The following NEK10 variants were observed in gnomAD, a reference collection of about 807,000 sequenced individuals.
NEK10 encodes serine/threonine-protein kinase Nek10.
Under a neutral mutation model 159.8 loss-of-function variants are expected in NEK10, and 122 were observed. The observed-to-expected ratio is 0.76, with a 90% CI of 0.66 to 0.89. The LOEUF (loss-of-function observed/expected upper bound fraction) is 0.89. Ranked by LOEUF, NEK10 falls within the 40% of genes least tolerant of loss-of-function variation. NEK10 has a pLI of 0.00. For missense variants in NEK10, 1,342 were observed against 1,323.1 expected (o/e 1.01, Z -0.22); for synonymous variants, 466 against 457.1 (o/e 1.02, Z -0.25).
intron 26 of NEK10, among the ~76,000 whole-genome samples, chr3:27,178,044 G>A (rs181141255): frequency 3.9e-5 from 6 of 152,116 alleles, no homozygotes; most frequent in East Asian, 1.9e-4. Context: ...ATATCAATAC[G>A]GCGGCAAGGA....
chr3:27,196,555 G>A (rs1237029885), intron 25 of NEK10, among the ~76,000 whole-genome samples: 2 of 152,094 alleles, frequency 1.3e-5, no homozygotes, highest in Non-Finnish European at 2.9e-5. Context: ...ACTTGGTGAC[G>A]CTCTAAACCT....
At chr3:27,260,732 C>T (rs2040334491) in intron 22 of NEK10, among the ~76,000 whole-genome samples, 1 of 152,198 alleles carries the variant, frequency 6.6e-6, no homozygotes, top group Non-Finnish European at 1.5e-5. Context: ...ATGCTGGCCT[C>T]ATAAAATGAG....
chr3:27,147,329 T>A (rs527845578), intron 30 of NEK10, among the ~76,000 whole-genome samples: 1 of 152,140 alleles, frequency 6.6e-6, no homozygotes, highest in Non-Finnish European at 1.5e-5. Flanking sequence ...ATATGATGCA[T>A]GGACAATGGA....
intron 26 of NEK10, among the ~76,000 whole-genome samples, chr3:27,182,402 G>T (rs1482619732): frequency 1.3e-5 from 2 of 152,014 alleles, no homozygotes; most frequent in Non-Finnish European, 2.9e-5. Context: ...AAAACGGTGT[G>T]GTATTGGTCT....
At chr3:27,184,678 A>G (rs1948450251) in intron 26 of NEK10, among the ~76,000 whole-genome samples, 1 of 152,236 alleles carries the variant, frequency 6.6e-6, no homozygotes, top group Non-Finnish European at 1.5e-5. Context: ...TTTCCAAAAC[A>G]AGTCATGGTT....
At chr3:27,221,442 G>A (rs1334521671) in intron 23 of NEK10, among the ~76,000 whole-genome samples, 1 of 152,208 alleles carries the variant, frequency 6.6e-6, no homozygotes, top group African/African-American at 2.4e-5. Flanking sequence ...TGATCCAAAA[G>A]ACAGATTAAA....
intron 5 of NEK10, among the ~76,000 whole-genome samples, chr3:27,336,694 T>C (rs1033990121): frequency 6.6e-6 from 1 of 152,256 alleles, no homozygotes; most frequent in Admixed American, 6.5e-5. Flanking sequence ...TGGTTTGGCA[T>C]GCAAAAGTAA....
chr3:27,361,936 A>T (rs916693315), intron 1 of NEK10, among the ~76,000 whole-genome samples: 3 of 152,228 alleles, frequency 2.0e-5, no homozygotes, highest in African/African-American at 7.2e-5. Context: ...TGTGTGTGGG[A>T]AATCATAAAT....
At position 27,111,094 on chromosome 3, in the gene NEK10, G is replaced by A. The variant is rs536655314; in HGVS notation, c.*178C>T. The A allele has an allele frequency of 1.1e-4, 50 of 459,264 alleles. No individual in the cohort carries two copies. The highest frequency in any genetic ancestry group is 9.0e-4 in the Middle Eastern group (3 of 3,324). The allele number at this position is 459,264 out of a possible 1,614,324, so 28.4% of individuals were successfully genotyped here. ...TCTGGCAATGAAGCCCTCAAGTACC[G>A]CAGCTGTCATATACTCCAGCACAGG... On this transcript the variant is annotated 3_prime_UTR_variant, in exon 36 of 36. Coordinates refer to ENST00000691995, the MANE Select transcript of NEK10 (RefSeq NM_001394966.1).
chr3:27,254,799 C>G (rs927726225), intron 23 of NEK10, among the ~76,000 whole-genome samples: 1 of 150,740 alleles, frequency 6.6e-6, no homozygotes, highest in African/African-American at 2.5e-5. Flanking sequence ...GCTTACAAAC[C>G]CTTCAGTTAA....
intron 30 of NEK10, among the ~76,000 whole-genome samples, chr3:27,156,951 T>C (rs1362727218): frequency 1.7e-5 from 2 of 116,730 alleles, no homozygotes; most frequent in African/African-American, 6.2e-5. Context: ...TATATATATA[T>C]ATATATATAT....
At chr3:27,211,735 A>G (rs1951026675) in intron 23 of NEK10, among the ~76,000 whole-genome samples, 1 of 152,210 alleles carries the variant, frequency 6.6e-6, no homozygotes, top group Non-Finnish European at 1.5e-5. Context: ...AGTAGAATAC[A>G]GGAGCAAACA....
chr3:27,160,774 T>C (rs867824227), intron 30 of NEK10, among the ~76,000 whole-genome samples: 3 of 151,970 alleles, frequency 2.0e-5, no homozygotes, highest in Non-Finnish European at 4.4e-5. Flanking sequence ...GGCATGGTAG[T>C]GGACGCCTGT....
At position 27,132,207 on chromosome 3, in the gene NEK10, C is replaced by T. The variant is rs578214558; in HGVS notation, c.2971-217G>A. On this transcript the variant is annotated intron_variant, in intron 31 of 35. Transcript: ENST00000691995. Reference sequence around the variant, plus strand: ...TTGCTCTTTTTCAAATGGCTGCTTCCATTTATCTTATTGTTTCTTCATTGA... The same window carrying T: ...TTGCTCTTTTTCAAATGGCTGCTTCTATTTATCTTATTGTTTCTTCATTGA... Among the ~76,000 whole-genome samples the T allele has an allele frequency of 6.6e-5, 10 of 152,268 alleles. No individual in the cohort carries two copies. The East Asian group carries it at 1.7e-3, about 26-fold the overall frequency.
At chr3:27,197,855 G>A (rs776615721) in intron 25 of NEK10, among the ~76,000 whole-genome samples, 2 of 150,890 alleles carry the variant, frequency 1.3e-5, no homozygotes, top group Non-Finnish European at 2.9e-5. Context: ...GTGCAGGTTA[G>A]TTACATACGT....
At chr3:27,243,830 GGTGTGTGTGTGT>G (rs56720203) in intron 23 of NEK10, among the ~76,000 whole-genome samples, 4 of 148,272 alleles carry the variant, frequency 2.7e-5, no homozygotes, top group Non-Finnish European at 6.0e-5. Context: ...TGACACCATG[GGTGTGTGTGTGT>G]GTGTGTGTGT....
At chr3:27,256,129 C>A (rs1017937712) in intron 23 of NEK10, among the ~76,000 whole-genome samples, 167 bp downstream of exon 23, 1 of 152,154 alleles carries the variant, frequency 6.6e-6, no homozygotes, top group African/African-American at 2.4e-5. Context: ...TTTAAGCATA[C>A]ATAATGATCC....
At chr3:27,119,081 T>C (rs183126491) in intron 33 of NEK10, among the ~76,000 whole-genome samples, 1 of 152,366 alleles carries the variant, frequency 6.6e-6, no homozygotes, top group Admixed American at 6.5e-5. Context: ...AATTCAGATA[T>C]GACAAGAAGA....
At chr3:27,159,832 G>A (rs1945841624) in intron 30 of NEK10, among the ~76,000 whole-genome samples, 1 of 151,408 alleles carries the variant, frequency 6.6e-6, no homozygotes, top group African/African-American at 2.4e-5. Flanking sequence ...TACCATACAG[G>A]CAAGATCATA....
Sources: gnomAD v4.1 joint callset for allele counts (sites outside exome capture counted in the v4.1 genomes callset) on GRCh38, gnomAD v4.1.1 for gene constraint, MANE v1.5 for transcripts, NCBI Gene and HGNC (gene_info 2026-07-23, HGNC 2026-07-21) for gene names.